Variants in NGF observed in about 807,000 individuals in gnomAD.
NGF encodes the protein nerve growth factor.
In NGF, 4 loss-of-function variants were observed where a neutral mutation model predicts 12.8. The ratio of observed to expected loss-of-function variants is 0.31; its 90% CI spans 0.15 to 0.72. The LOEUF is 0.72. Ranked by LOEUF, NGF falls within the 30% of genes least tolerant of loss-of-function variation. The pLI is 0.69. For missense variants in NGF, 283 were observed against 330.8 expected, an observed-to-expected ratio of 0.86 and a Z score of 1.12; for synonymous variants, 140 against 130.0, an observed-to-expected ratio of 1.08 and a Z score of -0.52.
At chr1:115,331,647 T>C (rs1025637298) in intron 1 of NGF, among the ~76,000 whole-genome samples, 6 of 152,222 alleles carry the variant, frequency 3.9e-5, no homozygotes, top group African/African-American at 1.4e-4. Flanking sequence ...AGATCTGTAT[T>C]GGACCTATAA....
At chr1:115,331,374 GC>G (rs754984531) in intron 1 of NGF, among the ~76,000 whole-genome samples, 6 of 152,168 alleles carry the variant, frequency 3.9e-5, no homozygotes, top group Non-Finnish European at 7.3e-5. Context: ...GCCCCTCACT[GC>G]CCTCCGAGGA....
intron 2 of NGF, among the ~76,000 whole-genome samples, chr1:115,288,110 A>C (rs1653573108): frequency 6.6e-6 from 1 of 152,196 alleles, no homozygotes; most frequent in Non-Finnish European, 1.5e-5. Context: ...GATACGACCT[A>C]GTCCTCGAAG....
In NGF at chr1:115,314,021, G is replaced by A. The variant is rs139821362; in HGVS notation, c.-136-20271C>T. 5.6e-4 allele frequency among the ~76,000 whole-genome samples: 85 copies of A among 152,222 alleles called. No individual in the cohort carries two copies. In the East Asian group the frequency reaches 0.014, roughly 25 times the overall value. On this transcript the variant is annotated intron_variant, in intron 1 of 2. Coordinates refer to ENST00000369512, the MANE Select transcript of NGF (RefSeq NM_002506.3). ...AGCCTATACCAGGACTTCAGGATGC[G>A]GGTCCTGAGGGTGGCATGGTGGAAG...
At chr1:115,324,650 G>A (rs11102924) in intron 1 of NGF, among the ~76,000 whole-genome samples, 124,282 of 152,108 alleles carry the variant, frequency 0.82, 51,010 homozygotes, top group Non-Finnish European at 0.84. Context: ...CTCTACAAGA[G>A]GGCTACTGTG....
intron 1 of NGF, among the ~76,000 whole-genome samples, chr1:115,320,360 A>G (rs1654586175): frequency 6.6e-6 from 1 of 152,202 alleles, no homozygotes; most frequent in African/African-American, 2.4e-5. Context: ...AAATAGAACA[A>G]TTATAAGAAA....
chr1:115,333,073 C>T (rs1654966676), intron 1 of NGF, among the ~76,000 whole-genome samples: 1 of 152,098 alleles, frequency 6.6e-6, no homozygotes. Context: ...GAACTGAAGT[C>T]AGGACAGTCT....
At chr1:115,337,067 G>T (rs1352780280) in intron 1 of NGF, among the ~76,000 whole-genome samples, 1 of 152,104 alleles carries the variant, frequency 6.6e-6, no homozygotes, top group Non-Finnish European at 1.5e-5. Context: ...GCACCCAAAA[G>T]GCTTTGCTGT....
At chr1:115,333,006 G>C (rs1654964851) in intron 1 of NGF, among the ~76,000 whole-genome samples, 1 of 152,178 alleles carries the variant, frequency 6.6e-6, no homozygotes. Context: ...CTGAGCAAGT[G>C]AGACATGCAA....
intron 1 of NGF, among the ~76,000 whole-genome samples, chr1:115,337,761 G>T (rs566541173): frequency 3.9e-5 from 6 of 152,218 alleles, no homozygotes; most frequent in African/African-American, 9.6e-5. Context: ...CAGCCAGCGC[G>T]CTCTGCGCTC....
chr1:115,294,716 A>C (rs180824258), intron 1 of NGF, among the ~76,000 whole-genome samples: 36 of 152,276 alleles, frequency 2.4e-4, no homozygotes, highest in Admixed American at 2.0e-3. Context: ...GGAGGATGAG[A>C]AGGAATGAGG....
chr1:115,292,691 A>G (rs1017558578), intron 2 of NGF, among the ~76,000 whole-genome samples: 9 of 152,274 alleles, frequency 5.9e-5, no homozygotes, highest in African/African-American at 2.2e-4. Flanking sequence ...ACTGTAACTG[A>G]TAGGTGGTGG....
intron 1 of NGF, among the ~76,000 whole-genome samples, chr1:115,332,687 A>G (rs1216637692): frequency 2.0e-5 from 3 of 152,142 alleles, no homozygotes; most frequent in Non-Finnish European, 4.4e-5. Flanking sequence ...CAGCATAGCT[A>G]CTACTAATAT....
intron 2 of NGF, among the ~76,000 whole-genome samples, chr1:115,291,760 T>C (rs1653708754): frequency 2.6e-5 from 4 of 152,192 alleles, no homozygotes; most frequent in Admixed American, 2.0e-4. Flanking sequence ...CTCACCTGAA[T>C]AGGTGATGGA....
chr1:115,318,629 C>T (rs1444168062), intron 1 of NGF, among the ~76,000 whole-genome samples: 1 of 152,198 alleles, frequency 6.6e-6, no homozygotes, highest in Admixed American at 6.5e-5. Flanking sequence ...ACTCTGTGAT[C>T]TCCAGCCACC....
chr1:115,301,079 G>C (rs949713503), intron 1 of NGF, among the ~76,000 whole-genome samples: 1 of 152,154 alleles, frequency 6.6e-6, no homozygotes, highest in Non-Finnish European at 1.5e-5. Context: ...TTATATTTCA[G>C]AATATTCCCA....
At chr1:115,292,455 C>T (rs1653731227) in intron 2 of NGF, among the ~76,000 whole-genome samples, 1 of 152,144 alleles carries the variant, frequency 6.6e-6, no homozygotes. Flanking sequence ...ATCTACATTT[C>T]TAGTAAGTTT....
chr1:115,286,929 G>A, intron 2 of NGF, 122 bp from the exon 3 acceptor site: 2 of 1,226,340 alleles, frequency 1.6e-6, no homozygotes, highest in Admixed American at 1.7e-5. Context: ...TCAAACCGGG[G>A]CACTTCTGAG....
At chr1:115,321,219 G>A (rs984894394) in intron 1 of NGF, among the ~76,000 whole-genome samples, 3 of 152,300 alleles carry the variant, frequency 2.0e-5, no homozygotes, top group African/African-American at 7.2e-5. Flanking sequence ...TCAGGAGGGA[G>A]AGAACTATGT....
intron 1 of NGF, among the ~76,000 whole-genome samples, chr1:115,335,122 C>A (rs1016625273): frequency 5.3e-5 from 8 of 152,184 alleles, no homozygotes; most frequent in Admixed American, 3.9e-4. Flanking sequence ...AAGTCTTCTC[C>A]ATTGCATGTT....
Sources: gnomAD v4.1 joint callset for allele counts (sites outside exome capture counted in the v4.1 genomes callset) on GRCh38, gnomAD v4.1.1 for gene constraint, MANE v1.5 for transcripts, NCBI Gene and HGNC (gene_info 2026-07-23, HGNC 2026-07-21) for gene names.